The following JAM3 variants were observed in gnomAD, a reference collection of about 807,000 sequenced individuals.
The protein encoded by JAM3 is junctional adhesion molecule C.
JAM3 carries 31 observed loss-of-function variants against 39.4 expected under a neutral mutation model. The ratio of observed to expected loss-of-function variants is 0.79; its 90% CI spans 0.59 to 1.06. The LOEUF (loss-of-function observed/expected upper bound fraction) is 1.06. JAM3 is among the 50% of genes least tolerant of loss of function. The pLI is 0.00. For synonymous variants in JAM3, 182 were observed against 148.7 expected (o/e 1.22, Z -1.63); for missense variants, 455 against 391.4 (o/e 1.16, Z -1.37).
chr11:134,151,821 T>G lies in JAM3; in HGVS notation c.*2640T>G, dbSNP rs1943246623. ...TCTCTTCTTCCTAGCATTTCAGTGGTTAGGCATGCACACTAAAAATGCTAT... is the reference window on the plus strand; with the variant it reads ...TCTCTTCTTCCTAGCATTTCAGTGGGTAGGCATGCACACTAAAAATGCTAT... On this transcript the variant is annotated 3_prime_UTR_variant, in exon 9 of 9. Transcript: ENST00000299106. 1 of 150,792 alleles carries G rather than the reference T, an allele frequency of 6.6e-6. No homozygotes were observed. Among genetic ancestry groups the G allele is most frequent in the African/African-American group, 2.4e-5 (1 of 41,364 alleles). 9.3% of individuals were successfully genotyped at this position (150,792 alleles called of 1,614,324 possible). A position where few individuals can be genotyped will look rare whatever the true frequency, so the allele number is the denominator to read the frequency against.
At chr11:134,130,141 T>G (rs1942741065) in intron 1 of JAM3, among the ~76,000 whole-genome samples, 1 of 152,198 alleles carries the variant, frequency 6.6e-6, no homozygotes, top group Admixed American at 6.5e-5. Flanking sequence ...AGTTCTGGAT[T>G]GAAAACACAT....
intron 1 of JAM3, among the ~76,000 whole-genome samples, chr11:134,091,629 CA>C (rs5795871): frequency 0.55 from 80,960 of 147,144 alleles, 24,751 homozygotes; most frequent in Middle Eastern, 0.71. Flanking sequence ...AACCCCGTGT[CA>C]AAAAAAAAAA....
At chr11:134,095,652 A>T (rs1591778947) in intron 1 of JAM3, among the ~76,000 whole-genome samples, 1 of 152,052 alleles carries the variant, frequency 6.6e-6, no homozygotes, top group Non-Finnish European at 1.5e-5. Context: ...GATTTGTTCT[A>T]ATATTAAATA....
chr11:134,120,947 A>C (rs1942519564), intron 1 of JAM3, among the ~76,000 whole-genome samples: 2 of 152,154 alleles, frequency 1.3e-5, no homozygotes, highest in African/African-American at 4.8e-5. Flanking sequence ...AACTCTTCAG[A>C]ATAGTACAGG....
At chr11:134,145,548 G>T (rs1943056462) in intron 5 of JAM3, 1 of 325,628 alleles carries the variant, frequency 3.1e-6, no homozygotes, top group African/African-American at 2.1e-5. Flanking sequence ...GGCTTTTACT[G>T]CATGTGGTTC....
At chr11:134,149,045 G>C in intron 8 of JAM3, 101 bp from the exon 9 acceptor site, 2 of 1,399,414 alleles carry the variant, frequency 1.4e-6, no homozygotes, top group East Asian at 2.3e-5. Context: ...TTTTAAGAAT[G>C]ATTATTCCAT....
intron 1 of JAM3, among the ~76,000 whole-genome samples, chr11:134,104,271 A>G (rs1163583733): frequency 2.6e-5 from 4 of 152,182 alleles, no homozygotes; most frequent in Non-Finnish European, 4.4e-5. Context: ...GGTACATAAC[A>G]AAATGAAGGC....
intron 1 of JAM3, among the ~76,000 whole-genome samples, chr11:134,071,076 T>C (rs1377821461): frequency 6.6e-6 from 1 of 152,222 alleles, no homozygotes; most frequent in Admixed American, 6.5e-5. Context: ...TACTGTGTCC[T>C]TTTTATTTTT....
Position 134,146,299 on chromosome 11 carries a change from A to C in JAM3, c.712+254A>C, listed in dbSNP as rs558742872. Among the ~76,000 whole-genome samples, 6 of 152,238 alleles carry C rather than the reference A, an allele frequency of 3.9e-5. No homozygotes were observed. In the East Asian group the frequency reaches 1.2e-3, roughly 29 times the overall value. ...GAACGTGGCCAGCCTTGCAACTTTC[A>C]CTGCAAGTTTAGTAAACTCCATTCT... is the stretch of plus-strand genomic sequence containing the variant. On this transcript the variant is annotated intron_variant, in intron 6 of 8. Coordinates refer to ENST00000299106, the MANE Select transcript of JAM3 (RefSeq NM_032801.5).
At chr11:134,141,523 C>T (rs537365666) in intron 3 of JAM3, among the ~76,000 whole-genome samples, 72 of 151,904 alleles carry the variant, frequency 4.7e-4, no homozygotes, top group African/African-American at 1.6e-3. Flanking sequence ...CGAGCATGGG[C>T]GGTATCTGAG....
chr11:134,132,688 T>G (rs1196669103), intron 1 of JAM3, among the ~76,000 whole-genome samples: 3 of 152,166 alleles, frequency 2.0e-5, no homozygotes, highest in Non-Finnish European at 4.4e-5. Flanking sequence ...TCAAAATGGC[T>G]AACATTTCCC....
intron 1 of JAM3, among the ~76,000 whole-genome samples, chr11:134,090,867 A>G (rs1267439063): frequency 2.0e-5 from 3 of 152,248 alleles, no homozygotes; most frequent in South Asian, 2.1e-4. Context: ...ACATGTATAC[A>G]TACACAATAT....
At chr11:134,094,701 C>T (rs1170205980) in intron 1 of JAM3, among the ~76,000 whole-genome samples, 3 of 152,154 alleles carry the variant, frequency 2.0e-5, no homozygotes, top group Non-Finnish European at 1.5e-5. Flanking sequence ...GATTCACACC[C>T]CCATTATACA....
At chr11:134,105,848 A>T in intron 1 of JAM3, among the ~76,000 whole-genome samples, 1 of 152,280 alleles carries the variant, frequency 6.6e-6, no homozygotes, top group East Asian at 1.9e-4. Context: ...GAAATAAAAG[A>T]GGACACAAAC....
chr11:134,093,051 C>T (rs1941902101), intron 1 of JAM3, among the ~76,000 whole-genome samples: 1 of 137,056 alleles, frequency 7.3e-6, no homozygotes, highest in African/African-American at 2.8e-5. Flanking sequence ...CCTCCTTATT[C>T]ATCATGTTCC....
chr11:134,111,133 C>CTTTTTTTTTTTTTTTTT lies in JAM3; in HGVS notation c.77-28706_77-28690dup, dbSNP rs71038561. On this transcript the variant is annotated intron_variant, in intron 1 of 8. Coordinates refer to ENST00000299106, the MANE Select transcript of JAM3 (RefSeq NM_032801.5). ...TGTACCATACCCAACACACATCCATCTTTTTTTTTTTTTTTTTTTTTTTTT... is the reference window on the plus strand; with the variant it reads ...TGTACCATACCCAACACACATCCATCTTTTTTTTTTTTTTTTTTTTTTTTTTTTTTTTTTTTTTTTTT... Among the ~76,000 whole-genome samples the CTTTTTTTTTTTTTTTTT allele has an allele frequency of 1.7e-4, 15 of 86,774 alleles. 5 individuals are homozygous for CTTTTTTTTTTTTTTTTT. Among genetic ancestry groups the CTTTTTTTTTTTTTTTTT allele is most frequent in the African/African-American group, 8.3e-4 (15 of 18,142 alleles). The allele number at this position is 86,774 out of a possible 152,430, so 56.9% of individuals were successfully genotyped here. A position where few individuals can be genotyped will look rare whatever the true frequency, so the allele number is the denominator to read the frequency against.
chr11:134,077,915 G>T (rs1342590556), intron 1 of JAM3, among the ~76,000 whole-genome samples: 1 of 151,678 alleles, frequency 6.6e-6, no homozygotes, highest in Non-Finnish European at 1.5e-5. Context: ...GCTTCCCAAA[G>T]TGCTGAGATT....
At chr11:134,104,171 T>G (rs926964034) in intron 1 of JAM3, among the ~76,000 whole-genome samples, 1 of 152,188 alleles carries the variant, frequency 6.6e-6, no homozygotes, top group Non-Finnish European at 1.5e-5. Context: ...CAGACCACAG[T>G]GCAATCAAAC....
chr11:134,139,824 C>A (rs773198981), intron 1 of JAM3, 27 bp from the exon 2 acceptor site: 4 of 1,595,376 alleles, frequency 2.5e-6, no homozygotes, highest in Non-Finnish European at 3.4e-6. Context: ...TACATTGTCT[C>A]TGATTTTACT....
Sources: allele counts gnomAD v4.1 joint callset (sites outside exome capture counted in the v4.1 genomes callset), GRCh38; gene constraint gnomAD v4.1.1; transcripts MANE v1.5; gene names NCBI Gene and HGNC (gene_info 2026-07-23, HGNC 2026-07-21).